Variants in MRTFA observed in about 807,000 individuals in gnomAD.
MRTFA encodes the protein myocardin-related transcription factor A.
Under a neutral mutation model 83.5 loss-of-function variants are expected in MRTFA, and 20 were observed. The observed-to-expected ratio is 0.24, with a 90% CI of 0.17 to 0.35. MRTFA has a LOEUF of 0.35. Ranked by LOEUF, MRTFA falls within the 10% of genes least tolerant of loss-of-function variation. MRTFA has a pLI of 1.00. For missense variants in MRTFA, 1,200 were observed against 1,224.7 expected (o/e 0.98, Z 0.30); for synonymous variants, 659 against 541.2 (o/e 1.22, Z -3.02).
At chr22:40,487,698 T>C (rs112097472) in intron 3 of MRTFA, among the ~76,000 whole-genome samples, 41 of 152,362 alleles carry the variant, frequency 2.7e-4, no homozygotes, top group African/African-American at 9.4e-4. Flanking sequence ...AAAAAGGTTA[T>C]TTATTAATAT....
chr22:40,570,724 T>C (rs954033631), intron 2 of MRTFA, among the ~76,000 whole-genome samples: 1 of 150,990 alleles, frequency 6.6e-6, no homozygotes, highest in Non-Finnish European at 1.5e-5. Context: ...ATGTTGAGAA[T>C]AGCAAGGCAA....
At chr22:40,591,459 C>T (rs1342303880) in intron 2 of MRTFA, among the ~76,000 whole-genome samples, 1 of 152,072 alleles carries the variant, frequency 6.6e-6, no homozygotes, top group Non-Finnish European at 1.5e-5. Flanking sequence ...GGAAAGAAGA[C>T]GTGCAATACG....
At chr22:40,471,219 TAAAA>T (rs61206773) in intron 3 of MRTFA, among the ~76,000 whole-genome samples, 73 of 42,692 alleles carry the variant, frequency 1.7e-3, no homozygotes, top group Middle Eastern at 0.025. Flanking sequence ...CTGTTTCTAT[TAAAA>T]AAAAAAAAAA....
At chr22:40,626,376 C>T (rs1374855569) in intron 1 of MRTFA, among the ~76,000 whole-genome samples, 6 of 152,198 alleles carry the variant, frequency 3.9e-5, no homozygotes, top group Admixed American at 3.9e-4. Context: ...CAACCTTCAC[C>T]TCCCAAGCTC....
intron 1 of MRTFA, among the ~76,000 whole-genome samples, chr22:40,618,205 G>C (rs190724956): frequency 3.8e-4 from 57 of 151,322 alleles, no homozygotes; most frequent in Admixed American, 5.9e-4. Context: ...CTCCCGAGTA[G>C]CTGGGACTAC....
At chr22:40,481,957 G>A (rs1193591698) in intron 3 of MRTFA, among the ~76,000 whole-genome samples, 2 of 151,924 alleles carry the variant, frequency 1.3e-5, no homozygotes, top group African/African-American at 2.4e-5. Context: ...CTACTCGGGA[G>A]GCTGAGGCAG....
intron 2 of MRTFA, among the ~76,000 whole-genome samples, chr22:40,581,067 T>G (rs1428263982): frequency 6.6e-6 from 1 of 152,098 alleles, no homozygotes; most frequent in Non-Finnish European, 1.5e-5. Flanking sequence ...TCTTCCCACC[T>G]CAGCCTCAGT....
At chr22:40,452,676 T>TG (rs1363119310) in intron 4 of MRTFA, among the ~76,000 whole-genome samples, 1 of 151,746 alleles carries the variant, frequency 6.6e-6, no homozygotes, top group Admixed American at 6.6e-5. Flanking sequence ...CGGGCGTGGG[T>TG]GGCAGGCGCC....
intron 2 of MRTFA, among the ~76,000 whole-genome samples, chr22:40,565,785 G>A (rs562051102): frequency 1.3e-5 from 2 of 152,292 alleles, no homozygotes; most frequent in African/African-American, 4.8e-5. Context: ...GGCTAATTTA[G>A]ATTAAATGAC....
At chr22:40,424,470 T>G in intron 7 of MRTFA, 89 bp from the exon 8 acceptor site, 1 of 1,394,104 alleles carries the variant, frequency 7.2e-7, no homozygotes, top group South Asian at 1.3e-5. Flanking sequence ...ACAGGCAGAG[T>G]GCCTGGCCCA....
At chr22:40,536,435 C>G (rs1268512418) in intron 3 of MRTFA, among the ~76,000 whole-genome samples, 7 of 149,178 alleles carry the variant, frequency 4.7e-5, no homozygotes, top group African/African-American at 2.5e-5. Context: ...GCTGGAGGAG[C>G]GGACGGGCCC....
intron 2 of MRTFA, among the ~76,000 whole-genome samples, chr22:40,592,662 T>C (rs1039961610): frequency 6.6e-6 from 1 of 151,974 alleles, no homozygotes; most frequent in Non-Finnish European, 1.5e-5. Context: ...CTAATTTTTT[T>C]TGGTGTTTTT....
chr22:40,524,641 G>A (rs1003063054), intron 3 of MRTFA, among the ~76,000 whole-genome samples: 1 of 152,196 alleles, frequency 6.6e-6, no homozygotes, highest in Non-Finnish European at 1.5e-5. Context: ...TCCTTATCAT[G>A]CAGTATTTGG....
At chr22:40,562,904 T>C (rs1348011950) in intron 2 of MRTFA, among the ~76,000 whole-genome samples, 1 of 152,062 alleles carries the variant, frequency 6.6e-6, no homozygotes, top group Non-Finnish European at 1.5e-5. Flanking sequence ...AGGTGATAAA[T>C]ACCCTTTGGT....
At chr22:40,488,238 T>C (rs1357679061) in intron 3 of MRTFA, among the ~76,000 whole-genome samples, 2 of 151,842 alleles carry the variant, frequency 1.3e-5, no homozygotes, top group Non-Finnish European at 2.9e-5. Flanking sequence ...GACTTGGAGG[T>C]AGGAAATCTA....
chr22:40,435,830 G>A (rs1274971364), intron 4 of MRTFA, among the ~76,000 whole-genome samples: 1 of 151,908 alleles, frequency 6.6e-6, no homozygotes. Flanking sequence ...AGCTACAAGG[G>A]AGGCTGAGGC....
At chr22:40,629,720 G>A (rs892423277) in intron 1 of MRTFA, among the ~76,000 whole-genome samples, 13 of 144,822 alleles carry the variant, frequency 9.0e-5, no homozygotes, top group Non-Finnish European at 1.9e-4. Flanking sequence ...AGCTTGCAGT[G>A]AGCCGAGATC....
intron 1 of MRTFA, among the ~76,000 whole-genome samples, chr22:40,621,235 T>C (rs2056519650): frequency 1.3e-5 from 2 of 151,104 alleles, no homozygotes; most frequent in Non-Finnish European, 2.9e-5. Context: ...CTACCAAAAT[T>C]CTACATGCAG....
chr22:40,455,645 CAAA>C (rs55723146), intron 4 of MRTFA, among the ~76,000 whole-genome samples: 14 of 77,578 alleles, frequency 1.8e-4, no homozygotes, highest in African/African-American at 6.5e-4. Flanking sequence ...GATGCAGTCT[CAAA>C]AAAAAAAAAA....
Sources: gnomAD v4.1 joint callset for allele counts (sites outside exome capture counted in the v4.1 genomes callset) on GRCh38, gnomAD v4.1.1 for gene constraint, MANE v1.5 for transcripts, NCBI Gene and HGNC (gene_info 2026-07-23, HGNC 2026-07-21) for gene names.